Variants in DLGAP4 observed in about 807,000 individuals in gnomAD.
DLGAP4 encodes disks large-associated protein 4.
A neutral mutation model predicts 86.9 loss-of-function variants in DLGAP4; 18 were observed. The ratio of observed to expected loss-of-function variants is 0.21; its 90% confidence interval spans 0.14 to 0.31. The LOEUF is 0.31. Ranked by LOEUF, DLGAP4 falls within the 10% of genes least tolerant of loss-of-function variation. The pLI, the probability that DLGAP4 is intolerant of heterozygous loss-of-function variation, is 1.00. For synonymous variants in DLGAP4, 548 were observed against 574.3 expected, an observed-to-expected ratio of 0.95 and a Z score of 0.65; for missense variants, 1,085 against 1,362.6, an observed-to-expected ratio of 0.80 and a Z score of 3.21.
chr20:36,382,622 C>T (rs528769450), intron 2 of DLGAP4, among the ~76,000 whole-genome samples: 5 of 148,670 alleles, frequency 3.4e-5, no homozygotes, highest in Admixed American at 6.8e-5. Context: ...CTCTGCCTCT[C>T]GGGTTCAAGT....
intron 7 of DLGAP4, among the ~76,000 whole-genome samples, chr20:36,469,516 G>T (rs1487347740): frequency 1.3e-5 from 2 of 152,144 alleles, no homozygotes; most frequent in African/African-American, 2.4e-5. Flanking sequence ...ACTTTGAGAG[G>T]CTGAGGCGGG....
intron 7 of DLGAP4, among the ~76,000 whole-genome samples, chr20:36,455,522 T>C (rs2033857531): frequency 6.6e-6 from 1 of 152,160 alleles, no homozygotes; most frequent in South Asian, 2.1e-4. Context: ...GGCTCTAGGC[T>C]GACCTGGGAT....
intron 7 of DLGAP4, among the ~76,000 whole-genome samples, chr20:36,464,722 C>T (rs1469554867): frequency 2.6e-5 from 4 of 152,218 alleles, no homozygotes; most frequent in Admixed American, 6.5e-5. Flanking sequence ...TGGTGGCACA[C>T]GCCTGTAATC....
At chr20:36,466,328 C>T (rs1413190403) in intron 7 of DLGAP4, among the ~76,000 whole-genome samples, 1 of 152,186 alleles carries the variant, frequency 6.6e-6, no homozygotes, top group Non-Finnish European at 1.5e-5. Flanking sequence ...GTAGTAACAG[C>T]CCCTCAATAA....
intron 12 of DLGAP4, among the ~76,000 whole-genome samples, chr20:36,526,579 C>A (rs753164459): frequency 7.9e-5 from 12 of 152,090 alleles, no homozygotes; most frequent in Non-Finnish European, 1.8e-4. Context: ...CTGCCCGTCC[C>A]CGCTGCTCGA....
chr20:36,522,151 CTCTT>C (rs1401031009), intron 10 of DLGAP4, among the ~76,000 whole-genome samples: 7 of 152,098 alleles, frequency 4.6e-5, no homozygotes, highest in Non-Finnish European at 8.8e-5. Flanking sequence ...GCAGTCCACA[CTCTT>C]TCTTTTTTGT....
At chr20:36,501,612 G>A (rs2036147976) in intron 10 of DLGAP4, among the ~76,000 whole-genome samples, 1 of 152,168 alleles carries the variant, frequency 6.6e-6, no homozygotes, top group Non-Finnish European at 1.5e-5. Context: ...CCAGGCTGTT[G>A]ACCTGCACCC....
At chr20:36,464,538 C>G (rs943024399) in intron 7 of DLGAP4, among the ~76,000 whole-genome samples, 1 of 151,950 alleles carries the variant, frequency 6.6e-6, no homozygotes, top group Admixed American at 6.6e-5. Context: ...CCACTGCACT[C>G]CAGCCTGGGT....
intron 7 of DLGAP4, among the ~76,000 whole-genome samples, chr20:36,474,908 C>G (rs1388603520): frequency 6.6e-6 from 1 of 152,188 alleles, no homozygotes. Context: ...CTTGGAGTCC[C>G]CACCCAAGCA....
chr20:36,310,536 G>A (rs1019869457), intron 1 of DLGAP4, among the ~76,000 whole-genome samples: 18 of 152,304 alleles, frequency 1.2e-4, no homozygotes, highest in African/African-American at 3.9e-4. Context: ...TCCACTGTCC[G>A]AAGTCTGTGA....
intron 10 of DLGAP4, among the ~76,000 whole-genome samples, chr20:36,507,088 C>T (rs1490325335): frequency 6.6e-6 from 1 of 152,148 alleles, no homozygotes; most frequent in African/African-American, 2.4e-5. Context: ...ATTGCATCTA[C>T]CTTTTGGCCG....
intron 2 of DLGAP4, among the ~76,000 whole-genome samples, chr20:36,383,983 CAA>C (rs970619133): frequency 4.0e-4 from 26 of 64,950 alleles, no homozygotes; most frequent in South Asian, 5.7e-4. Context: ...GACTCCGTCT[CAA>C]AAAAAAAAAA....
At chr20:36,421,605 A>G (rs943656121) in intron 2 of DLGAP4, among the ~76,000 whole-genome samples, 2 of 151,960 alleles carry the variant, frequency 1.3e-5, no homozygotes, top group African/African-American at 4.8e-5. Flanking sequence ...CTCTGGGGAT[A>G]TGTGGAAGGG....
chr20:36,464,308 C>T (rs1003205567), intron 7 of DLGAP4, among the ~76,000 whole-genome samples: 2 of 152,174 alleles, frequency 1.3e-5, no homozygotes, highest in African/African-American at 4.8e-5. Context: ...TCCTGTAATC[C>T]TAGCACTTTG....
chr20:36,500,435 C>T lies in DLGAP4; in HGVS notation c.2336C>T (p.Pro779Leu), dbSNP rs755627735. The change falls in exon 10 of 13, where the codon CCA (proline) becomes CTA (leucine). Residue 779 changes from proline (P) to leucine (L), a missense_variant. Pro to Leu is a moderately conservative substitution (Grantham distance 98). Coordinates refer to ENST00000339266, the MANE Select transcript of DLGAP4 (RefSeq NM_001365621.2). The surrounding 1 kb of genome is among the most constrained non-coding windows in gnomAD (Gnocchi z 4.6). ...GCCCTAGAGGCGTCCTCGCTGCCCC[C>T]ACCCGACCCCTGGCTCGAGACCTCC... ...DPALEASSLP[P>L]PDPWLETSSS... is the part of the protein sequence containing the mutation. The T allele has an allele frequency of 6.3e-7, 1 of 1,576,686 alleles. No individual in the cohort carries two copies. The highest frequency in any genetic ancestry group is 2.3e-5 in the East Asian group (1 of 43,902).
intron 10 of DLGAP4, among the ~76,000 whole-genome samples, chr20:36,522,548 TCTTA>T (rs1422818846): frequency 6.6e-6 from 1 of 152,070 alleles, no homozygotes; most frequent in Non-Finnish European, 1.5e-5. Context: ...TGAGATGGAG[TCTTA>T]CTCTGCCACC....
intron 1 of DLGAP4, among the ~76,000 whole-genome samples, chr20:36,341,595 C>A (rs996930867): frequency 7.2e-5 from 11 of 152,254 alleles, no homozygotes; most frequent in African/African-American, 2.2e-4. Flanking sequence ...GTGCAGGGGG[C>A]CACAGGCCTT....
At chr20:36,419,843 A>G (rs1230804301) in intron 2 of DLGAP4, among the ~76,000 whole-genome samples, 1 of 152,194 alleles carries the variant, frequency 6.6e-6, no homozygotes, top group Non-Finnish European at 1.5e-5. Context: ...TCATCTCCAC[A>G]ATATCCTATT....
intron 1 of DLGAP4, among the ~76,000 whole-genome samples, chr20:36,336,434 C>G (rs2065323233): frequency 6.6e-6 from 1 of 152,214 alleles, no homozygotes; most frequent in Non-Finnish European, 1.5e-5. Context: ...CTCCTCTCAC[C>G]CTTCTCCCTG....
Sources: allele counts gnomAD v4.1 joint callset (sites outside exome capture counted in the v4.1 genomes callset), GRCh38; gene constraint gnomAD v4.1.1; non-coding constraint Gnocchi (gnomAD v3.1); transcripts MANE v1.5; gene names NCBI Gene and HGNC (gene_info 2026-07-23, HGNC 2026-07-21).